Variants in KLRG1 observed in about 807,000 individuals in gnomAD.
KLRG1 encodes the protein killer cell lectin-like receptor subfamily G member 1.
KLRG1 carries 16 observed loss-of-function variants against 21.8 expected under a neutral mutation model. That is an observed-to-expected ratio of 0.73 (90% CI 0.50 to 1.11). KLRG1 has a LOEUF of 1.11. KLRG1 is among the 50% of genes most tolerant of loss of function. The probability of loss-of-function intolerance (pLI) is 0.00; values close to 1 mark genes in which losing one functional copy is unlikely to be tolerated. For synonymous variants in KLRG1, 69 were observed against 75.9 expected (o/e 0.91, Z 0.47); for missense variants, 173 against 218.3 (o/e 0.79, Z 1.31).
At chr12:9,104,405 A>G in the KLRG1 span, 1 of 1,577,284 alleles carries the variant, frequency 6.3e-7, no homozygotes. Context: ...GCGCACCTGA[A>G]GATTAAAAGC....
chr12:9,103,663 A>G, the KLRG1 span, among the ~76,000 whole-genome samples: 1 of 152,162 alleles, frequency 6.6e-6, no homozygotes, highest in Admixed American at 6.5e-5. Context: ...ATCATACAGT[A>G]TTGGTCTTTT....
At chr12:9,069,949 T>C in the KLRG1 span, 4 of 688,400 alleles carry the variant, frequency 5.8e-6, no homozygotes, top group East Asian at 7.8e-5. Context: ...AAATATATAA[T>C]GTAATACAAT....
chr12:9,157,693 C>T, the KLRG1 span: 4 of 1,358,216 alleles, frequency 2.9e-6, no homozygotes, highest in Admixed American at 3.4e-5. Context: ...GAGACTCAAC[C>T]CTTAGCAGGG....
the KLRG1 span, among the ~76,000 whole-genome samples, chr12:9,030,724 A>T: frequency 3.9e-5 from 6 of 152,350 alleles, no homozygotes; most frequent in African/African-American, 1.4e-4. Flanking sequence ...CTATTTTTAC[A>T]TGATAAAAAA....
At chr12:9,098,813 C>A in the KLRG1 span, 1 of 1,580,778 alleles carries the variant, frequency 6.3e-7, no homozygotes, top group South Asian at 1.2e-5. Context: ...CCCATGCATT[C>A]ACTCGCATTT....
At chr12:9,157,427 G>T in the KLRG1 span, 2 of 1,387,166 alleles carry the variant, frequency 1.4e-6, no homozygotes, top group Non-Finnish European at 2.0e-6. Flanking sequence ...GCTGGATATT[G>T]ACAGTCAGAT....
chr12:9,214,898 T>C, the KLRG1 span, among the ~76,000 whole-genome samples: 1 of 151,868 alleles, frequency 6.6e-6, no homozygotes. Flanking sequence ...AAAAATAGAA[T>C]CTTAAAAAAA....
the KLRG1 span, among the ~76,000 whole-genome samples, chr12:9,059,827 A>G: frequency 6.6e-6 from 1 of 151,390 alleles, no homozygotes; most frequent in Non-Finnish European, 1.5e-5. Context: ...CCACAGGTGC[A>G]TGCCACTATG....
At chr12:9,130,869 T>C in the KLRG1 span, among the ~76,000 whole-genome samples, 1 of 152,182 alleles carries the variant, frequency 6.6e-6, no homozygotes, top group African/African-American at 2.4e-5. Flanking sequence ...AAGAAGTCAT[T>C]GACAAACCCC....
At chr12:9,124,147 G>A in the KLRG1 span, among the ~76,000 whole-genome samples, 1 of 152,194 alleles carries the variant, frequency 6.6e-6, no homozygotes, top group African/African-American at 2.4e-5. Flanking sequence ...AGACATGTAT[G>A]TGATGTTACC....
At chr12:9,169,342 T>A in the KLRG1 span, 1 of 1,274,592 alleles carries the variant, frequency 7.8e-7, no homozygotes, top group Non-Finnish European at 1.1e-6. Context: ...CAAGGCTACA[T>A]AATTACTAAG....
At chr12:9,208,669 A>G in the KLRG1 span, among the ~76,000 whole-genome samples, 1 of 152,104 alleles carries the variant, frequency 6.6e-6, no homozygotes, top group African/African-American at 2.4e-5. Flanking sequence ...CAAAATCCTT[A>G]CAAGCAGGTG....
At chr12:9,076,666 G>A in the KLRG1 span, 3 of 1,174,776 alleles carry the variant, frequency 2.6e-6, no homozygotes, top group Non-Finnish European at 1.2e-6. Context: ...GAGGAGACAG[G>A]GATCACAGGA....
the KLRG1 span, among the ~76,000 whole-genome samples, chr12:9,203,017 G>A: frequency 1.9e-4 from 29 of 152,306 alleles, no homozygotes; most frequent in East Asian, 5.6e-3. Context: ...AGTTTCCCAA[G>A]TTAGGCAACT....
the KLRG1 span, among the ~76,000 whole-genome samples, chr12:9,035,199 A>C: frequency 1.3e-5 from 2 of 152,112 alleles, no homozygotes; most frequent in South Asian, 4.1e-4. Context: ...AACCAACCCA[A>C]ATGTCCATCG....
the KLRG1 span, among the ~76,000 whole-genome samples, chr12:9,134,428 T>C: frequency 6.6e-6 from 1 of 152,270 alleles, no homozygotes; most frequent in African/African-American, 2.4e-5. Flanking sequence ...GGTAAGAACA[T>C]TTAACATGAG....
At chr12:9,013,840 A>G (rs1189202603), downstream of KLRG1, among the ~76,000 whole-genome samples, 1 of 152,220 alleles carries the variant, frequency 6.6e-6, no homozygotes, top group Non-Finnish European at 1.5e-5. Flanking sequence ...GGGCATAGCC[A>G]AACCACATCA....
At chr12:9,083,971 A>C in the KLRG1 span, among the ~76,000 whole-genome samples, 5 of 152,180 alleles carry the variant, frequency 3.3e-5, no homozygotes, top group African/African-American at 1.2e-4. Flanking sequence ...ATTCCAATAC[A>C]ACTATCCATG....
the KLRG1 span, among the ~76,000 whole-genome samples, chr12:9,184,826 C>A: frequency 6.6e-6 from 1 of 152,190 alleles, no homozygotes; most frequent in Non-Finnish European, 1.5e-5. Context: ...TCCCTGCCTC[C>A]ACTGCCCCCA....
Sources: gnomAD v4.1 joint callset for allele counts (sites outside exome capture counted in the v4.1 genomes callset) on GRCh38, gnomAD v4.1.1 for gene constraint, MANE v1.5 for transcripts, NCBI Gene and HGNC (gene_info 2026-07-23, HGNC 2026-07-21) for gene names.